The following BNC2 variants were observed in gnomAD, a reference collection of about 807,000 sequenced individuals.
BNC2 encodes the protein basonuclin zinc finger protein 2, also known as zinc finger protein basonuclin-2.
A neutral mutation model predicts 76.3 loss-of-function variants in BNC2; 20 were observed. The observed-to-expected ratio is 0.26, with a 90% CI of 0.18 to 0.38. The LOEUF (loss-of-function observed/expected upper bound fraction) is 0.38, where lower values mean the gene tolerates loss of function less well. BNC2 is among the 10% of genes least tolerant of loss of function. The probability of loss-of-function intolerance (pLI) is 1.00; values close to 1 mark genes in which losing one functional copy is unlikely to be tolerated. For synonymous variants in BNC2, 582 were observed against 514.8 expected, an observed-to-expected ratio of 1.13 and a Z score of -1.77; for missense variants, 1,382 against 1,399.8, an observed-to-expected ratio of 0.99 and a Z score of 0.20.
At chr9:16,794,621 C>T (rs551275209) in intron 1 of BNC2, among the ~76,000 whole-genome samples, 11 of 152,264 alleles carry the variant, frequency 7.2e-5, no homozygotes, top group African/African-American at 2.2e-4. Flanking sequence ...ATTAGACAAA[C>T]AAAGGCACCA....
At chr9:16,445,373 T>C (rs1444734502) in intron 5 of BNC2, among the ~76,000 whole-genome samples, 1 of 152,198 alleles carries the variant, frequency 6.6e-6, no homozygotes, top group Non-Finnish European at 1.5e-5. Flanking sequence ...ACTGTGCTTT[T>C]CCAGAACTTC....
intron 1 of BNC2, among the ~76,000 whole-genome samples, chr9:16,777,404 A>G (rs574414193): frequency 6.6e-6 from 1 of 152,220 alleles, no homozygotes; most frequent in East Asian, 1.9e-4. Flanking sequence ...AAATTATTTC[A>G]TAAGAACTGT....
chr9:16,862,582 C>T (rs1819437506), intron 1 of BNC2, among the ~76,000 whole-genome samples: 1 of 152,174 alleles, frequency 6.6e-6, no homozygotes, highest in South Asian at 2.1e-4. Flanking sequence ...AGCCAGTCAC[C>T]TGCGTAGAGA....
At position 16,672,462 on chromosome 9, in the gene BNC2, A is replaced by C. The variant is rs911829799; in HGVS notation, c.330+55335T>G. On this transcript the variant is annotated intron_variant, in intron 3 of 6. Transcript: ENST00000380672. ...CAGTGAGCAGAGATCGTGCCACTGC[A>C]CTCCAGCCTGGGCGACAGAGCAAGA... Among the ~76,000 whole-genome samples, 4 of 152,106 alleles carry C rather than the reference A, an allele frequency of 2.6e-5. 1 individual carries two copies. The highest frequency in any genetic ancestry group is 9.7e-5 in the African/African-American group (4 of 41,410).
At chr9:16,629,160 A>C (rs192731352) in intron 3 of BNC2, among the ~76,000 whole-genome samples, 1 of 152,312 alleles carries the variant, frequency 6.6e-6, no homozygotes, top group African/African-American at 2.4e-5. Flanking sequence ...TTTACCTTTT[A>C]TGTTTACTTT....
chr9:16,762,097 GA>G (rs1260061697), intron 1 of BNC2, among the ~76,000 whole-genome samples: 1 of 152,158 alleles, frequency 6.6e-6, no homozygotes, highest in Non-Finnish European at 1.5e-5. Flanking sequence ...TGATATTTGT[GA>G]GATCAAAAGA....
chr9:16,648,493 C>T (rs1026468477), intron 3 of BNC2, among the ~76,000 whole-genome samples: 1 of 152,190 alleles, frequency 6.6e-6, no homozygotes, highest in Non-Finnish European at 1.5e-5. Flanking sequence ...CAATTCTGAA[C>T]ATGGAATTCC....
chr9:16,702,626 C>T (rs1320722185), intron 3 of BNC2, among the ~76,000 whole-genome samples: 1 of 87,506 alleles, frequency 1.1e-5, no homozygotes, highest in Non-Finnish European at 4.0e-5. Context: ...TTTATTTAAA[C>T]TTATTCCCCT....
intron 3 of BNC2, among the ~76,000 whole-genome samples, chr9:16,628,292 T>C (rs1821056454): frequency 6.6e-6 from 1 of 152,182 alleles, no homozygotes; most frequent in Non-Finnish European, 1.5e-5. Context: ...CTCTGTTCTA[T>C]GTCTCTGCTC....
intron 1 of BNC2, among the ~76,000 whole-genome samples, chr9:16,761,569 G>T (rs996002831): frequency 6.6e-5 from 10 of 152,220 alleles, no homozygotes; most frequent in Non-Finnish European, 1.5e-4. Context: ...CTTTTGCGGG[G>T]AGAGGGAGTC....
Position 16,842,949 on chromosome 9 carries a change from G to A in BNC2, c.3+27697C>T, listed in dbSNP as rs368352662. 3.7e-4 allele frequency among the ~76,000 whole-genome samples: 57 copies of A among 152,078 alleles called. No homozygotes were observed. In the South Asian group the frequency reaches 4.6e-3, roughly 12 times the overall value. ...GTATTTTTAGTAGAGACGCAGTTTC[G>A]CCATGTTGGCCAGGCTGGAGTCAAA... On this transcript the variant is annotated intron_variant, in intron 1 of 6. Transcript: ENST00000380672.
intron 1 of BNC2, among the ~76,000 whole-genome samples, chr9:16,754,178 T>C (rs888358352): frequency 6.6e-6 from 1 of 152,234 alleles, no homozygotes; most frequent in African/African-American, 2.4e-5. Context: ...TGGTAAAATC[T>C]TTGTCCAAGG....
chr9:16,688,652 T>C (rs762842788), intron 3 of BNC2, among the ~76,000 whole-genome samples: 1 of 152,194 alleles, frequency 6.6e-6, no homozygotes, highest in South Asian at 2.1e-4. Context: ...TTTTGTATGA[T>C]TGTATATGTT....
intron 1 of BNC2, among the ~76,000 whole-genome samples, chr9:16,829,573 A>T (rs1397183149): frequency 1.3e-5 from 2 of 152,216 alleles, no homozygotes; most frequent in African/African-American, 4.8e-5. Context: ...GCCAAAACAC[A>T]TTCTCACCTT....
At position 16,821,054 on chromosome 9, in the gene BNC2, G is replaced by A. The variant is rs573112868; in HGVS notation, c.3+49592C>T. ...TCGAGACCAGCCTGGCCAACATGGTGAAACCCCATCTCTACTAAAAATACA... is the reference window on the plus strand; with the variant it reads ...TCGAGACCAGCCTGGCCAACATGGTAAAACCCCATCTCTACTAAAAATACA... On this transcript the variant is annotated intron_variant, in intron 1 of 6. Transcript: ENST00000380672. 4.4e-3 allele frequency among the ~76,000 whole-genome samples: 674 copies of A among 152,084 alleles called. 6 individuals are homozygous for A. Among genetic ancestry groups the A allele is most frequent in the African/African-American group, 0.016 (644 of 41,488 alleles).
intron 1 of BNC2, among the ~76,000 whole-genome samples, chr9:16,758,573 T>C (rs1267605518): frequency 2.6e-5 from 4 of 152,074 alleles, no homozygotes; most frequent in Non-Finnish European, 4.4e-5. Context: ...TCATGATCTG[T>C]CCACCTCGGC....
intron 3 of BNC2, among the ~76,000 whole-genome samples, chr9:16,709,079 G>T (rs1354192054): frequency 6.6e-6 from 1 of 152,204 alleles, no homozygotes; most frequent in African/African-American, 2.4e-5. Flanking sequence ...GGAAATGGAG[G>T]TTTAGGGAAA....
intron 4 of BNC2, among the ~76,000 whole-genome samples, chr9:16,576,202 G>C (rs1819481265): frequency 6.6e-6 from 1 of 152,212 alleles, no homozygotes; most frequent in South Asian, 2.1e-4. Flanking sequence ...CGTTGGGATA[G>C]TCTCCAAGCC....
rs1345190789 is a variant in BNC2, at chr9:16,566,290, T to G, written c.434-13525A>C. The stretch of plus-strand genomic sequence containing the variant: ...TGTTGGATGGATGAACACAGTTAAG[T>G]GTATATAATAGAATAAAAAGCCATT... On this transcript the variant is annotated intron_variant, in intron 4 of 6. Coordinates refer to ENST00000380672, the MANE Select transcript of BNC2 (RefSeq NM_017637.6). Among the ~76,000 whole-genome samples the G allele has an allele frequency of 3.9e-5, 6 of 151,992 alleles. No homozygotes were observed. In the East Asian group the frequency reaches 9.7e-4, roughly 24 times the overall value.
Sources: gnomAD v4.1 joint callset for allele counts (sites outside exome capture counted in the v4.1 genomes callset) on GRCh38, gnomAD v4.1.1 for gene constraint, MANE v1.5 for transcripts, NCBI Gene and HGNC (gene_info 2026-07-23, HGNC 2026-07-21) for gene names.